Variants in EYS observed in about 807,000 individuals in gnomAD.
EYS encodes the protein protein eyes shut homolog.
In EYS, 250 loss-of-function variants were observed where a neutral mutation model predicts 282.1. The observed-to-expected ratio is 0.89, with a 90% CI of 0.80 to 0.98. The LOEUF (loss-of-function observed/expected upper bound fraction) is 0.98, where lower values mean the gene tolerates loss of function less well. EYS is among the 50% of genes least tolerant of loss of function. The pLI is 0.00. For synonymous variants in EYS, 1,355 were observed against 1,282.9 expected (o/e 1.06, Z -1.20); for missense variants, 4,016 against 3,709.0 (o/e 1.08, Z -2.15).
intron 29 of EYS, among the ~76,000 whole-genome samples, chr6:64,383,302 A>AAAAC (rs1269368161): frequency 1.3e-5 from 2 of 152,142 alleles, no homozygotes; most frequent in African/African-American, 4.8e-5. Flanking sequence ...AACCTGTCTC[A>AAAAC]AAACAAACAA....
At chr6:63,972,632 C>G (rs1766638352) in intron 35 of EYS, among the ~76,000 whole-genome samples, 1 of 152,018 alleles carries the variant, frequency 6.6e-6, no homozygotes, top group Admixed American at 6.6e-5. Context: ...TGGTGGTTTG[C>G]TGCACCCATC....
Position 64,149,311 on chromosome 6 carries a change from C to T in EYS, c.6425-67309G>A, listed in dbSNP as rs142971396. 4.6e-3 allele frequency among the ~76,000 whole-genome samples: 704 copies of T among 152,244 alleles called. 1 individual carries two copies. Among genetic ancestry groups the T allele is most frequent in the Middle Eastern group, 0.014 (4 of 294 alleles). The stretch of plus-strand genomic sequence containing the variant: ...TCTGCAGGCAGAAATTCTTTGTATA[C>T]GTAACGACACATCAATAGGCAGCTA... On this transcript the variant is annotated intron_variant, in intron 31 of 42. Transcript: ENST00000503581.
intron 31 of EYS, among the ~76,000 whole-genome samples, chr6:64,186,670 A>G (rs2150314445): frequency 6.6e-6 from 1 of 152,222 alleles, no homozygotes; most frequent in South Asian, 2.1e-4. Context: ...GAAAGCAACT[A>G]AACAGAAGCA....
intron 30 of EYS, among the ~76,000 whole-genome samples, chr6:64,300,401 C>A (rs539524965): frequency 6.6e-6 from 1 of 152,206 alleles, no homozygotes; most frequent in Admixed American, 6.5e-5. Context: ...AGCGACATCC[C>A]AGAGTATAAT....
intron 11 of EYS, among the ~76,000 whole-genome samples, chr6:65,315,375 C>T (rs976929884): frequency 6.6e-6 from 1 of 152,116 alleles, no homozygotes; most frequent in Non-Finnish European, 1.5e-5. Flanking sequence ...ATGAACATTG[C>T]TGTAAAACTA....
intron 24 of EYS, among the ~76,000 whole-genome samples, chr6:64,600,919 C>A (rs114482185): frequency 0.016 from 2,416 of 152,184 alleles, 60 homozygotes; most frequent in African/African-American, 0.056. Context: ...TCTAATGTAG[C>A]TTTCATGTCT....
At chr6:64,689,442 G>T (rs9342372) in intron 22 of EYS, among the ~76,000 whole-genome samples, 98,201 of 148,496 alleles carry the variant, frequency 0.66, 33,724 homozygotes, top group Non-Finnish European at 0.77. Flanking sequence ...AGCTACCAAT[G>T]ACTTTCTTCA....
rs140907247 is a variant in EYS at position 65,091,507 on chromosome 6, G to A, written c.2024-33780C>T. 3.2e-3 allele frequency among the ~76,000 whole-genome samples: 471 copies of A among 148,188 alleles called. 2 individuals are homozygous for A. The highest frequency in any genetic ancestry group is 0.011 in the African/African-American group (454 of 40,172). ...AATAACTGCTTAATAATAAAAAGAA[G>A]TTAGATAATTCATACATGTATTTTG... is the stretch of plus-strand genomic sequence containing the variant. On this transcript the variant is annotated intron_variant, in intron 12 of 42. Coordinates refer to ENST00000503581, the MANE Select transcript of EYS (RefSeq NM_001142800.2).
chr6:64,264,652 G>A (rs192835245), intron 30 of EYS, among the ~76,000 whole-genome samples: 3 of 152,262 alleles, frequency 2.0e-5, no homozygotes, highest in African/African-American at 7.2e-5. Context: ...GCTCATGCCT[G>A]TAATCCCAGC....
intron 12 of EYS, among the ~76,000 whole-genome samples, chr6:65,240,036 T>G (rs1296740604): frequency 6.6e-6 from 1 of 151,856 alleles, no homozygotes; most frequent in African/African-American, 2.4e-5. Flanking sequence ...TGGTGCCATC[T>G]CAGCTCACTG....
At chr6:64,220,506 G>T (rs1766067516) in intron 31 of EYS, among the ~76,000 whole-genome samples, 1 of 152,152 alleles carries the variant, frequency 6.6e-6, no homozygotes, top group African/African-American at 2.4e-5. Context: ...ATGAGGGGTA[G>T]TTCCCTTAGC....
chr6:64,284,695 C>T (rs1562286805), intron 30 of EYS, among the ~76,000 whole-genome samples: 3 of 152,210 alleles, frequency 2.0e-5, no homozygotes, highest in Admixed American at 2.0e-4. Context: ...CATACATCTT[C>T]TGAAATCTAG....
chr6:64,192,856 C>T (rs1044819051), intron 31 of EYS, among the ~76,000 whole-genome samples: 3 of 152,114 alleles, frequency 2.0e-5, no homozygotes, highest in Non-Finnish European at 4.4e-5. Context: ...ACTAATTGCC[C>T]TTGCATAATT....
chr6:65,330,307 A>G, intron 11 of EYS: 1 of 965,614 alleles, frequency 1.0e-6, no homozygotes, highest in Non-Finnish European at 1.2e-6. Context: ...TTCTGTTATG[A>G]TATTTCTGGT....
At chr6:64,254,242 C>A (rs535608318) in intron 30 of EYS, among the ~76,000 whole-genome samples, 1 of 151,992 alleles carries the variant, frequency 6.6e-6, no homozygotes. Context: ...AGGACATGTT[C>A]GTTTGGAAAA....
intron 22 of EYS, among the ~76,000 whole-genome samples, chr6:64,667,558 T>C (rs1375959605): frequency 1.3e-5 from 2 of 152,058 alleles, no homozygotes; most frequent in Non-Finnish European, 2.9e-5. Context: ...CTAACATATA[T>C]TGTTATTTTT....
rs186643958 is a variant in EYS, at chr6:65,513,167, C to T, written c.-332-17174G>A. On this transcript the variant is annotated intron_variant, in intron 2 of 42. Coordinates refer to ENST00000503581, the MANE Select transcript of EYS (RefSeq NM_001142800.2). ...TCAGAGAATACTACAAACACCTCTA[C>T]GCAAACAAACTAGAAAATCTAGAAG... is the stretch of plus-strand genomic sequence containing the variant. 3.2e-3 allele frequency among the ~76,000 whole-genome samples: 490 copies of T among 152,288 alleles called. 2 individuals are homozygous for T. Among genetic ancestry groups the T allele is most frequent in the African/African-American group, 8.0e-3 (332 of 41,556 alleles).
intron 8 of EYS, among the ~76,000 whole-genome samples, chr6:65,381,609 A>G (rs1765613182): frequency 1.3e-5 from 2 of 152,070 alleles, no homozygotes; most frequent in African/African-American, 4.8e-5. Flanking sequence ...CATTCAGTAC[A>G]TCTATCCCAG....
intron 33 of EYS, among the ~76,000 whole-genome samples, chr6:64,063,871 A>G (rs754406946): frequency 6.6e-6 from 1 of 152,070 alleles, no homozygotes; most frequent in Non-Finnish European, 1.5e-5. Context: ...CTGGGATTAC[A>G]GGCACGTGCC....
Sources: gnomAD v4.1 joint callset for allele counts (sites outside exome capture counted in the v4.1 genomes callset) on GRCh38, gnomAD v4.1.1 for gene constraint, MANE v1.5 for transcripts, NCBI Gene and HGNC (gene_info 2026-07-23, HGNC 2026-07-21) for gene names.